Variants in PCDHA12 observed in about 807,000 individuals in gnomAD.
The protein encoded by PCDHA12 is protocadherin alpha-12.
A neutral mutation model predicts 60.0 loss-of-function variants in PCDHA12; 44 were observed. That is an observed-to-expected ratio of 0.73 (90% CI 0.58 to 0.94). The LOEUF (loss-of-function observed/expected upper bound fraction) is 0.94. Among genes scored for constraint, PCDHA12 ranks in the 40% least tolerant of loss-of-function variants. PCDHA12 has a pLI of 0.00. For missense variants in PCDHA12, 1,276 were observed against 1,239.7 expected (o/e 1.03, Z -0.44); for synonymous variants, 569 against 553.0 (o/e 1.03, Z -0.40).
chr5:140,944,857 A>G (rs1288221644), intron 1 of PCDHA12, among the ~76,000 whole-genome samples: 1 of 152,078 alleles, frequency 6.6e-6, no homozygotes, highest in Non-Finnish European at 1.5e-5. Context: ...AATCATCCTT[A>G]TTTATCTTAA....
intron 3 of PCDHA12, among the ~76,000 whole-genome samples, chr5:140,996,757 G>A (rs2097743678): frequency 6.6e-6 from 1 of 152,014 alleles, no homozygotes; most frequent in South Asian, 2.1e-4. Context: ...TATCTGTGCA[G>A]GACTAAAATA....
chr5:140,941,191 T>TTTTTCTTTC lies in PCDHA12; in HGVS notation c.2368-37755_2368-37754insTCTTTCTTT, dbSNP rs1554213809. 3.1e-4 allele frequency among the ~76,000 whole-genome samples: 29 copies of TTTTTCTTTC among 93,252 alleles called. No homozygotes were observed. The East Asian group carries it at 6.1e-3, about 20-fold the overall frequency. 61.2% of individuals were successfully genotyped at this position (93,252 alleles called of 152,430 possible). On this transcript the variant is annotated intron_variant, in intron 1 of 3. Transcript: ENST00000398631. ...CATCTTGAACATCCTGCTTCTTTTT[T>TTTTTCTTTC]TTTCTTTCTTCCTTTCTTTCTTCCT...
intron 1 of PCDHA12, chr5:140,927,577 A>T: frequency 6.2e-7 from 1 of 1,614,170 alleles, no homozygotes; most frequent in Non-Finnish European, 8.5e-7. Flanking sequence ...CACAAATGAC[A>T]ACGCGCCTGT....
At chr5:140,968,849 G>A in intron 1 of PCDHA12, 1 of 1,614,206 alleles carries the variant, frequency 6.2e-7, no homozygotes, top group East Asian at 2.2e-5. Context: ...TCAGAGGCAT[G>A]TTAAGAGCCC....
chr5:140,937,227 C>CG lies in PCDHA12; in HGVS notation c.2368-41718dup, dbSNP rs2091422712. Among the ~76,000 whole-genome samples the CG allele has an allele frequency of 2.0e-5, 3 of 151,930 alleles. No homozygotes were observed. The South Asian group carries it at 6.2e-4, about 32-fold the overall frequency. On this transcript the variant is annotated intron_variant, in intron 1 of 3. Transcript: ENST00000398631. Reference sequence around the variant, plus strand: ...TAATTTTTTGTATTTTTTGTAGAGACGGGGTTTCACCGTGTTAGCCAGGAT... The same window carrying CG: ...TAATTTTTTGTATTTTTTGTAGAGACGGGGGTTTCACCGTGTTAGCCAGGAT...
At chr5:140,897,543 C>A (rs1325895994) in intron 1 of PCDHA12, among the ~76,000 whole-genome samples, 2 of 152,044 alleles carry the variant, frequency 1.3e-5, no homozygotes, top group African/African-American at 4.8e-5. Flanking sequence ...GCTGCATAGT[C>A]TTCCATGGTG....
chr5:140,891,225 T>C (rs1554184733), intron 1 of PCDHA12, among the ~76,000 whole-genome samples: 1 of 152,222 alleles, frequency 6.6e-6, no homozygotes, highest in Non-Finnish European at 1.5e-5. Context: ...TTTATAATCA[T>C]CCTGTTCTGG....
At chr5:140,913,440 T>A (rs2076337142) in intron 1 of PCDHA12, among the ~76,000 whole-genome samples, 1 of 152,224 alleles carries the variant, frequency 6.6e-6, no homozygotes, top group Non-Finnish European at 1.5e-5. Context: ...GCCTCCTTTT[T>A]CAGCTCCGAT....
chr5:140,946,142 CAAAT>C (rs1214309556), intron 1 of PCDHA12, among the ~76,000 whole-genome samples: 1 of 151,910 alleles, frequency 6.6e-6, no homozygotes, highest in Non-Finnish European at 1.5e-5. Context: ...AGTAAGAAAA[CAAAT>C]AACACGATTT....
rs1488505557 is a variant in PCDHA12 at position 140,967,448 on chromosome 5, A to G, written c.2368-11501A>G. The G allele has an allele frequency of 6.8e-6, 11 of 1,613,462 alleles. No individual in the cohort carries two copies. Among genetic ancestry groups the G allele is most frequent in the Non-Finnish European group, 9.3e-6 (11 of 1,179,888 alleles). On this transcript the variant is annotated intron_variant, in intron 1 of 3. Transcript: ENST00000398631. ...GGCAGCCTTGCACCACCTGGTTCTC[A>G]CAGCCGTGGATGGGGGCATCCCAGC...
chr5:140,986,195 A>C (rs1200850544), intron 3 of PCDHA12, among the ~76,000 whole-genome samples: 1 of 152,196 alleles, frequency 6.6e-6, no homozygotes, highest in African/African-American at 2.4e-5. Context: ...TAAATTGGTT[A>C]ATCCTGATTA....
intron 1 of PCDHA12, among the ~76,000 whole-genome samples, chr5:140,970,004 G>A (rs1322154107): frequency 6.6e-6 from 1 of 152,200 alleles, no homozygotes; most frequent in Non-Finnish European, 1.5e-5. Context: ...CAGAGGGAGT[G>A]GATGATGGTG....
chr5:140,875,574 C>A lies in PCDHA12; in HGVS notation c.102C>A (p.Ser34=), dbSNP rs368911944. The A allele has an allele frequency of 2.2e-5, 35 of 1,613,978 alleles. No homozygotes were observed. The highest frequency in any genetic ancestry group is 6.7e-5 in the East Asian group (3 of 44,896). Residue 34 remains serine (S), a synonymous_variant, in exon 1 of 4, where the codon TCC becomes TCA. Transcript: ENST00000398631. ...TGGGGAGCGGCCAGCTCCACTACTC[C>A]GTCTACGAGGAGGCCAAACACGGCA... The part of the protein sequence containing the change: ...WEVGSGQLHY[S]VYEEAKHGTF...
intron 1 of PCDHA12, chr5:140,927,568 A>G: frequency 1.9e-6 from 3 of 1,614,174 alleles, no homozygotes; most frequent in Non-Finnish European, 2.5e-6. Context: ...TGTGGTGGAC[A>G]CAAATGACAA....
intron 3 of PCDHA12, among the ~76,000 whole-genome samples, chr5:140,992,857 C>G (rs1234991129): frequency 6.6e-6 from 1 of 152,148 alleles, no homozygotes; most frequent in African/African-American, 2.4e-5. Context: ...ACCAGTTTCA[C>G]TCTAGCTCCC....
chr5:140,961,929 G>C (rs1387333199), intron 1 of PCDHA12, among the ~76,000 whole-genome samples: 1 of 151,712 alleles, frequency 6.6e-6, no homozygotes, highest in Non-Finnish European at 1.5e-5. Context: ...TGTTGCCCAG[G>C]CTGGAGTGCA....
intron 1 of PCDHA12, among the ~76,000 whole-genome samples, chr5:140,895,983 G>A (rs1186137755): frequency 1.3e-5 from 2 of 151,942 alleles, no homozygotes; most frequent in Non-Finnish European, 2.9e-5. Context: ...GCTAATTTTT[G>A]TATTTTAAGT....
rs534013349 is a variant in PCDHA12, at chr5:140,881,427, A to G, written c.2367+3588A>G. ...AATCAATAGGATATTAGTTCCAGGC[A>G]TATTTTATAAAAACAGAATCCAAAA... On this transcript the variant is annotated intron_variant, in intron 1 of 3. Transcript: ENST00000398631. 6.5e-5 allele frequency: 58 copies of G among 895,354 alleles called. No individual in the cohort carries two copies. In the African/African-American group the frequency reaches 9.9e-4, roughly 15 times the overall value. The allele number at this position is 895,354 out of a possible 1,614,324, so 55.5% of individuals were successfully genotyped here. A position where few individuals can be genotyped will look rare whatever the true frequency, so the allele number is the denominator to read the frequency against.
At position 141,010,421 on chromosome 5, in the gene PCDHA12, A is replaced by T. The variant is rs1486731012; in HGVS notation, c.*484A>T. The T allele has an allele frequency of 8.7e-7, 1 of 1,148,142 alleles. No homozygotes were observed. Among genetic ancestry groups the T allele is most frequent in the Admixed American group, 2.9e-5 (1 of 34,726 alleles). The allele number at this position is 1,148,142 out of a possible 1,614,324, so 71.1% of individuals were successfully genotyped here. A position where few individuals can be genotyped will look rare whatever the true frequency, so the allele number is the denominator to read the frequency against. ...CAGCTTAGACTAATTGGTACAAGGAAGGCAAGAAAACAAAGACAAATAAAC... is the reference window on the plus strand; with the variant it reads ...CAGCTTAGACTAATTGGTACAAGGATGGCAAGAAAACAAAGACAAATAAAC... On this transcript the variant is annotated 3_prime_UTR_variant, in exon 4 of 4. Coordinates refer to ENST00000398631, the MANE Select transcript of PCDHA12 (RefSeq NM_018903.4).
Sources: allele counts gnomAD v4.1 joint callset (sites outside exome capture counted in the v4.1 genomes callset), GRCh38; gene constraint gnomAD v4.1.1; transcripts MANE v1.5; gene names NCBI Gene and HGNC (gene_info 2026-07-23, HGNC 2026-07-21).